KLF8: variants seen among roughly 807,000 people sequenced by gnomAD.
KLF8 encodes the protein KLF transcription factor 8.
In KLF8, 10 loss-of-function variants were observed where a neutral mutation model predicts 18.2. The observed-to-expected ratio is 0.55, with a 90% CI of 0.34 to 0.93. KLF8 has a LOEUF of 0.93. KLF8 is among the 40% of genes least tolerant of loss of function. KLF8 has a pLI of 0.02. For synonymous variants in KLF8, 109 were observed against 97.3 expected (o/e 1.12, Z -0.71); for missense variants, 264 against 277.9 (o/e 0.95, Z 0.36).
chrX:55,996,119 G>A, the KLF8 span, among the ~76,000 whole-genome samples: 1 of 111,063 alleles, frequency 9.0e-6, no homozygotes, highest in Non-Finnish European at 1.9e-5. Context: ...GCCTGTCTTC[G>A]AGGGCTGGGA....
chrX:56,194,042 T>A, the KLF8 span, among the ~76,000 whole-genome samples: 58 of 112,016 alleles, frequency 5.2e-4, no homozygotes, highest in African/African-American at 1.9e-3. Flanking sequence ...ATGTGATTAC[T>A]GTGTATTGCA....
chrX:55,993,503 C>G, the KLF8 span, among the ~76,000 whole-genome samples: 2 of 111,766 alleles, frequency 1.8e-5, no homozygotes, highest in Non-Finnish European at 1.9e-5. Context: ...ATGTGGACTG[C>G]TAGTATTTTG....
At chrX:56,081,933 C>G in the KLF8 span, among the ~76,000 whole-genome samples, 1 of 111,429 alleles carries the variant, frequency 9.0e-6, no homozygotes, top group Middle Eastern at 4.7e-3. Flanking sequence ...GTATATTAAT[C>G]TTATTTTGAT....
chrX:56,064,752 C>T, the KLF8 span, among the ~76,000 whole-genome samples: 18 of 111,309 alleles, frequency 1.6e-4, no homozygotes, highest in East Asian at 3.4e-3. Context: ...TCCAGGTGTA[C>T]GACTTTCTTA....
chrX:56,234,772 A>C (rs2066452827), intron 1 of KLF8, among the ~76,000 whole-genome samples: 1 of 112,458 alleles, frequency 8.9e-6, no homozygotes, highest in Non-Finnish European at 1.9e-5. Context: ...CATTCTTCAG[A>C]GTTATGGGGA....
At chrX:56,157,449 C>G in the KLF8 span, among the ~76,000 whole-genome samples, 1 of 110,531 alleles carries the variant, frequency 9.0e-6, no homozygotes, top group Admixed American at 9.6e-5. Context: ...GTTCTAGATC[C>G]CTGAGGAATC....
At chrX:56,057,851 G>T in the KLF8 span, among the ~76,000 whole-genome samples, 1 of 110,109 alleles carries the variant, frequency 9.1e-6, no homozygotes, top group Non-Finnish European at 1.9e-5. Flanking sequence ...CTTCACCTCA[G>T]CTGGATTGCT....
the KLF8 span, among the ~76,000 whole-genome samples, chrX:55,995,240 T>G: frequency 8.9e-6 from 1 of 112,729 alleles, no homozygotes; most frequent in East Asian, 2.8e-4. Context: ...TTTGTATTGA[T>G]AGATCTTCCT....
At chrX:56,177,329 C>A in the KLF8 span, among the ~76,000 whole-genome samples, 1 of 111,095 alleles carries the variant, frequency 9.0e-6, no homozygotes, top group African/African-American at 3.3e-5. Flanking sequence ...CAGTCAGGAC[C>A]CTCAGCTGCA....
the KLF8 span, chrX:55,961,208 G>A: frequency 4.3e-5 from 12 of 280,787 alleles, no homozygotes; most frequent in Non-Finnish European, 5.8e-5. Flanking sequence ...ACTGTCCAGC[G>A]TGGCCCTGCT....
In KLF8 at chrX:56,285,215, A is replaced by G. The variant is rs2067255480; in HGVS notation, c.*721A>G. 9.0e-6 allele frequency: 1 copy of G among 111,354 alleles called. No homozygotes were observed. Among genetic ancestry groups the G allele is most frequent in the South Asian group, 3.8e-4 (1 of 2,650 alleles). The allele number at this position is 111,354 out of a possible 1,213,427, so 9.2% of individuals were successfully genotyped here. On this transcript the variant is annotated 3_prime_UTR_variant, in exon 6 of 6. Coordinates refer to ENST00000468660, the MANE Select transcript of KLF8 (RefSeq NM_007250.5). Reference sequence around the variant, plus strand: ...TCCACTTTCTCCTTCAGGATTAAAGATTTTGCTGCACAATTGTTATTTGTT... The same window carrying G: ...TCCACTTTCTCCTTCAGGATTAAAGGTTTTGCTGCACAATTGTTATTTGTT...
intron 5 of KLF8, among the ~76,000 whole-genome samples, chrX:56,283,253 C>T (rs927384164): frequency 8.9e-5 from 10 of 112,149 alleles, no homozygotes; most frequent in African/African-American, 2.6e-4. Flanking sequence ...CCTGACACTG[C>T]CCCCCATGCC....
chrX:56,129,620 A>C, the KLF8 span, among the ~76,000 whole-genome samples: 1 of 111,618 alleles, frequency 9.0e-6, no homozygotes, highest in Non-Finnish European at 1.9e-5. Context: ...GGGAAAAGGA[A>C]ACCTCCAGCT....
the KLF8 span, among the ~76,000 whole-genome samples, chrX:56,076,992 G>GT: frequency 1.8e-5 from 2 of 111,351 alleles, no homozygotes; most frequent in Non-Finnish European, 3.8e-5. Flanking sequence ...GGGGTTGTTT[G>GT]TTTTTTTCTT....
At chrX:56,134,604 G>A in the KLF8 span, among the ~76,000 whole-genome samples, 1 of 111,422 alleles carries the variant, frequency 9.0e-6, no homozygotes, top group Admixed American at 9.6e-5. Flanking sequence ...CTTGGGCAAA[G>A]ACTTCATGAC....
At chrX:56,006,420 T>C in the KLF8 span, among the ~76,000 whole-genome samples, 1 of 111,999 alleles carries the variant, frequency 8.9e-6, no homozygotes, top group South Asian at 3.8e-4. Flanking sequence ...CTAGCATCTT[T>C]GTCCTTGCTA....
chrX:55,909,369 C>G, the KLF8 span, among the ~76,000 whole-genome samples: 1 of 112,566 alleles, frequency 8.9e-6, no homozygotes, highest in Non-Finnish European at 1.9e-5. Context: ...AGCCAGTTGA[C>G]TGCTGTTTTA....
At chrX:56,048,898 A>G in the KLF8 span, among the ~76,000 whole-genome samples, 13 of 111,594 alleles carry the variant, frequency 1.2e-4, no homozygotes, top group East Asian at 2.8e-4. Flanking sequence ...TCCTACCCAT[A>G]AGCATGGAAT....
chrX:56,211,353 C>A, the KLF8 span, among the ~76,000 whole-genome samples: 15 of 112,674 alleles, frequency 1.3e-4, no homozygotes, highest in African/African-American at 4.2e-4. Flanking sequence ...GACTCTTATT[C>A]TCTTCCCTTA....
Sources: allele counts gnomAD v4.1 joint callset (sites outside exome capture counted in the v4.1 genomes callset), GRCh38; gene constraint gnomAD v4.1.1; transcripts MANE v1.5; gene names NCBI Gene and HGNC (gene_info 2026-07-23, HGNC 2026-07-21).